The following SMC6 variants were observed in gnomAD, a reference collection of about 807,000 sequenced individuals.
SMC6 encodes the protein structural maintenance of chromosomes 6.
Under a neutral mutation model 142.2 loss-of-function variants are expected in SMC6, and 79 were observed. The observed-to-expected ratio is 0.56, with a 90% CI of 0.46 to 0.67. SMC6 has a LOEUF of 0.67. Ranked by LOEUF, SMC6 falls within the 30% of genes least tolerant of loss-of-function variation. SMC6 has a pLI of 0.00. For missense variants in SMC6, 1,072 were observed against 1,284.0 expected, an observed-to-expected ratio of 0.83 and a Z score of 2.52; for synonymous variants, 411 against 412.4, an observed-to-expected ratio of 1.00 and a Z score of 0.04.
At chr2:17,683,943 C>A (rs950325721) in intron 23 of SMC6, among the ~76,000 whole-genome samples, 180 bp from the exon 24 acceptor site, 2 of 152,002 alleles carry the variant, frequency 1.3e-5, no homozygotes, top group Non-Finnish European at 2.9e-5. Context: ...AAGGGTGGTA[C>A]GGAATAAGAA....
At chr2:17,687,613 A>G (rs1334837754) in intron 23 of SMC6, among the ~76,000 whole-genome samples, 3 of 152,212 alleles carry the variant, frequency 2.0e-5, no homozygotes, top group African/African-American at 7.2e-5. Context: ...TAGAAAATAA[A>G]AAAGAACTGT....
intron 3 of SMC6, among the ~76,000 whole-genome samples, chr2:17,745,059 G>T (rs10168319): frequency 0.036 from 5,458 of 152,246 alleles, 275 homozygotes; most frequent in African/African-American, 0.11. Flanking sequence ...GCGGAGTCCT[G>T]TGAACCAATC....
At chr2:17,721,945 A>C (rs1669393462) in intron 9 of SMC6, among the ~76,000 whole-genome samples, 1 of 152,112 alleles carries the variant, frequency 6.6e-6, no homozygotes. Flanking sequence ...AAAAATATCA[A>C]ATACTGTGAT....
chr2:17,717,286 T>A (rs548191716), intron 12 of SMC6, 110 bp from the exon 13 acceptor site: 2 of 653,636 alleles, frequency 3.1e-6, no homozygotes, highest in Admixed American at 7.2e-5. Context: ...ATATATTTTT[T>A]AAATGAAGCA....
At chr2:17,694,924 G>A (rs571131932) in intron 23 of SMC6, among the ~76,000 whole-genome samples, 11 of 152,128 alleles carry the variant, frequency 7.2e-5, no homozygotes, top group Admixed American at 4.6e-4. Context: ...ATAGATACAC[G>A]AAAGCATTTA....
chr2:17,749,014 G>A lies in SMC6; in HGVS notation c.-5-3063C>T, dbSNP rs114495719. Among the ~76,000 whole-genome samples, 768 of 152,202 alleles carry A rather than the reference G, an allele frequency of 5.0e-3. 3 individuals carry two copies. Among genetic ancestry groups the A allele is most frequent in the African/African-American group, 0.017 (721 of 41,518 alleles). ...TTGCAGTTTGCTATTAGGTTGCCAC[G>A]GTAACTTGCATCTAACAGACACTGA... is the stretch of plus-strand genomic sequence containing the variant. On this transcript the variant is annotated intron_variant, in intron 2 of 27. Transcript: ENST00000448223.
chr2:17,698,468 T>C (rs1294291139), intron 21 of SMC6, among the ~76,000 whole-genome samples: 2 of 152,096 alleles, frequency 1.3e-5, no homozygotes, highest in African/African-American at 2.4e-5. Context: ...CTTTTGTCAT[T>C]ACGTAATGTC....
At chr2:17,727,481 T>C (rs1318858995) in intron 7 of SMC6, among the ~76,000 whole-genome samples, 1 of 148,696 alleles carries the variant, frequency 6.7e-6, no homozygotes, top group Non-Finnish European at 1.5e-5. Flanking sequence ...TGTGATCATG[T>C]GAGTTAATAT....
Position 17,717,177 on chromosome 2 carries a change from C to G in SMC6, c.1093-1G>C. ...CGTTTAAGGATCGGTTATATAAAAC[C>G]TAACCAAAAAAATTAGACACACTTT... On this transcript the variant is annotated splice_acceptor_variant, in intron 12 of 27. Transcript: ENST00000448223. LOFTEE classifies it high-confidence loss of function. 1 of 1,593,116 alleles carries G rather than the reference C, an allele frequency of 6.3e-7. No individual in the cohort carries two copies. Among genetic ancestry groups the G allele is most frequent in the Non-Finnish European group, 8.5e-7 (1 of 1,172,686 alleles).
chr2:17,716,654 A>T, intron 14 of SMC6, 87 bp downstream of exon 14: 1 of 1,289,206 alleles, frequency 7.8e-7, no homozygotes. Flanking sequence ...TAGAAGAAAC[A>T]ACCATATTTG....
At chr2:17,670,161 C>T (rs560809774) in intron 26 of SMC6, among the ~76,000 whole-genome samples, 102 of 152,106 alleles carry the variant, frequency 6.7e-4, no homozygotes, top group African/African-American at 2.3e-3. Context: ...AGGGAGAAAA[C>T]GCAGATATGA....
chr2:17,692,632 G>A (rs1667785612), intron 23 of SMC6, among the ~76,000 whole-genome samples: 1 of 152,120 alleles, frequency 6.6e-6, no homozygotes, highest in South Asian at 2.1e-4. Flanking sequence ...AACCATTCAG[G>A]ACATAGGCAT....
chr2:17,748,553 C>A (rs1339033786), intron 2 of SMC6, among the ~76,000 whole-genome samples: 3 of 152,086 alleles, frequency 2.0e-5, no homozygotes, highest in African/African-American at 4.8e-5. Context: ...TTATTAAAAT[C>A]AAAAATATTT....
At chr2:17,709,086 T>C (rs1044029471) in intron 16 of SMC6, among the ~76,000 whole-genome samples, 1 of 151,922 alleles carries the variant, frequency 6.6e-6, no homozygotes, top group African/African-American at 2.4e-5. Context: ...CTTCAGAGAG[T>C]TGAGTATGTT....
chr2:17,722,257 C>T (rs1029411562), intron 9 of SMC6, among the ~76,000 whole-genome samples: 5 of 152,082 alleles, frequency 3.3e-5, no homozygotes, highest in Admixed American at 6.6e-5. Flanking sequence ...TCTAAAGCAG[C>T]CATCCCTTCC....
intron 24 of SMC6, chr2:17,679,716 C>T (rs2710660): frequency 0.51 from 77,639 of 151,702 alleles, 22,568 homozygotes; most frequent in African/African-American, 0.78. Context: ...TGTGTCCCCC[C>T]TTTTTTTTCT....
At position 17,673,576 on chromosome 2, in the gene SMC6, A is replaced by T. The variant is rs955514140; in HGVS notation, c.2911-3001T>A. 3.1e-3 allele frequency among the ~76,000 whole-genome samples: 444 copies of T among 144,994 alleles called. 1 individual carries two copies. The highest frequency in any genetic ancestry group is 0.01 in the Middle Eastern group (3 of 288). On this transcript the variant is annotated intron_variant, in intron 25 of 27. Coordinates refer to ENST00000448223, the MANE Select transcript of SMC6 (RefSeq NM_001142286.2). ...TTTAAAAAAAAATTTTTTTTTTTAA[A>T]TTTTTTTTTTGAGACAGAGTTTCGC... is the stretch of plus-strand genomic sequence containing the variant.
chr2:17,711,976 T>C (rs1668847626), intron 16 of SMC6, among the ~76,000 whole-genome samples: 1 of 152,062 alleles, frequency 6.6e-6, no homozygotes, highest in East Asian at 1.9e-4. Context: ...TGAGAAGTTA[T>C]AACAGACTAT....
At chr2:17,741,584 G>T in intron 4 of SMC6, 28 bp downstream of exon 4, 3 of 1,462,982 alleles carry the variant, frequency 2.1e-6, no homozygotes, top group Non-Finnish European at 2.8e-6. Context: ...ACTGCTCAAA[G>T]TCAAACGAGA....
Sources: allele counts gnomAD v4.1 joint callset (sites outside exome capture counted in the v4.1 genomes callset), GRCh38; gene constraint gnomAD v4.1.1; transcripts MANE v1.5; gene names NCBI Gene and HGNC (gene_info 2026-07-23, HGNC 2026-07-21).